RALGPS2: variants seen among roughly 807,000 people sequenced by gnomAD.
RALGPS2 encodes Ral GEF with PH domain and SH3 binding motif 2.
A neutral mutation model predicts 86.8 loss-of-function variants in RALGPS2; 43 were observed. The observed-to-expected ratio is 0.50, with a 90% confidence interval of 0.39 to 0.64. RALGPS2 has a LOEUF of 0.64. RALGPS2 is among the 30% of genes least tolerant of loss of function. The pLI is 0.00. For missense variants in RALGPS2, 536 were observed against 694.6 expected (o/e 0.77, Z 2.57); for synonymous variants, 243 against 231.3 (o/e 1.05, Z -0.46).
At chr1:178,882,447 A>T (rs1165005215) in intron 10 of RALGPS2, among the ~76,000 whole-genome samples, 3 of 152,200 alleles carry the variant, frequency 2.0e-5, no homozygotes, top group Non-Finnish European at 4.4e-5. Flanking sequence ...ACATCTTCAT[A>T]AAAAGAAAAA....
chr1:178,865,442 A>G, intron 8 of RALGPS2: 3 of 1,613,998 alleles, frequency 1.9e-6, no homozygotes, highest in Non-Finnish European at 2.5e-6. Flanking sequence ...CTCATTCACA[A>G]TGTTTCCATC....
intron 15 of RALGPS2, among the ~76,000 whole-genome samples, chr1:178,893,449 T>G (rs1455290648): frequency 6.8e-6 from 1 of 146,672 alleles, no homozygotes; most frequent in Non-Finnish European, 1.5e-5. Context: ...ATTAAGCATG[T>G]TTTCTTTTTT....
chr1:178,906,709 T>C, intron 18 of RALGPS2, 67 bp from the exon 19 acceptor site: 1 of 1,282,396 alleles, frequency 7.8e-7, no homozygotes, highest in Non-Finnish European at 1.1e-6. Context: ...CTCATTATTA[T>C]CTGGCAGAAT....
At chr1:178,735,300 G>A (rs541412475) in intron 1 of RALGPS2, among the ~76,000 whole-genome samples, 4 of 152,226 alleles carry the variant, frequency 2.6e-5, no homozygotes, top group African/African-American at 9.6e-5. Context: ...AAAGTTTAGG[G>A]CAAGGTCAAA....
At chr1:178,902,357 G>A in intron 18 of RALGPS2, 146 bp downstream of exon 18, 2 of 557,924 alleles carry the variant, frequency 3.6e-6, no homozygotes, top group Non-Finnish European at 6.3e-6. Context: ...AGTTTCACTG[G>A]AATACTCAAG....
intron 2 of RALGPS2, among the ~76,000 whole-genome samples, chr1:178,782,656 A>AT (rs1450492769): frequency 6.6e-6 from 1 of 151,876 alleles, no homozygotes; most frequent in African/African-American, 2.4e-5. Flanking sequence ...AACCCCTCAA[A>AT]TACACACACA....
At chr1:178,855,788 T>A (rs959424400) in intron 8 of RALGPS2, among the ~76,000 whole-genome samples, 1 of 151,838 alleles carries the variant, frequency 6.6e-6, no homozygotes, top group South Asian at 2.1e-4. Context: ...GATTTTGGAT[T>A]TTTTCAAAGG....
chr1:178,886,064 A>G lies in RALGPS2; in HGVS notation c.1136A>G (p.His379Arg), dbSNP rs777287192. ...TTAGATGATAGCGTCATGGAGCCCCATGCGCCATCTCGAGGCCAAGCTGAA... is the reference window on the plus strand; with the variant it reads ...TTAGATGATAGCGTCATGGAGCCCCGTGCGCCATCTCGAGGCCAAGCTGAA... The part of the protein sequence containing the change: ...HLLDDSVMEP[H>R]APSRGQAESS... Residue 379 changes from histidine (H) to arginine (R), a missense_variant, in exon 13 of 20, where the codon CAT (histidine) becomes CGT (arginine). Physicochemically the swap from His to Arg is conservative, Grantham distance 29. This residue lies in a region of RALGPS2 where 309 missense variants were observed against 363.0 expected (regional missense o/e 0.85). Coordinates refer to ENST00000367635, the MANE Select transcript of RALGPS2 (RefSeq NM_152663.5). 17 of 1,613,774 alleles carry G rather than the reference A, an allele frequency of 1.1e-5. No individual in the cohort carries two copies. Among genetic ancestry groups the G allele is most frequent in the Non-Finnish European group, 1.4e-5 (17 of 1,179,840 alleles).
chr1:178,812,730 G>A lies in RALGPS2; in HGVS notation c.387+1326G>A, dbSNP rs150957047. Among the ~76,000 whole-genome samples the A allele has an allele frequency of 4.0e-3, 615 of 152,194 alleles. 3 individuals are homozygous for A. Among genetic ancestry groups the A allele is most frequent in the Middle Eastern group, 0.014 (4 of 294 alleles). On this transcript the variant is annotated intron_variant, in intron 6 of 19. Transcript: ENST00000367635. ...TTTCCTCACATGTGAATGAAAGAAG[G>A]CAGAATAAAATGAGGATATCATGTT...
chr1:178,917,153 A>G lies in RALGPS2; in HGVS notation c.*794A>G, dbSNP rs1412012455. 6.6e-6 allele frequency: 1 copy of G among 152,126 alleles called. No homozygotes were observed. The highest frequency in any genetic ancestry group is 1.9e-4 in the East Asian group (1 of 5,194). The allele number at this position is 152,126 out of a possible 1,614,324, so 9.4% of individuals were successfully genotyped here. On this transcript the variant is annotated 3_prime_UTR_variant, in exon 20 of 20. Transcript: ENST00000367635. ...AACATGGTTGTTTCTAACTAGGGTT[A>G]AAGTTTAGCTTTCTATATGAATTCA...
At chr1:178,877,239 A>C (rs772357458) in intron 8 of RALGPS2, among the ~76,000 whole-genome samples, 1 of 152,114 alleles carries the variant, frequency 6.6e-6, no homozygotes, top group Non-Finnish European at 1.5e-5. Flanking sequence ...CTCAAACTAT[A>C]CTTGAAAATG....
In RALGPS2 at chr1:178,920,104, G is replaced by A. The variant is rs1426170239; in HGVS notation, c.*3745G>A. ...GTAAATATATGATTTTACAGCCAAA[G>A]TGGTATTCTGTTTTTTCTAAGCTTT... is the stretch of plus-strand genomic sequence containing the variant. On this transcript the variant is annotated 3_prime_UTR_variant, in exon 20 of 20. Coordinates refer to ENST00000367635, the MANE Select transcript of RALGPS2 (RefSeq NM_152663.5). The A allele has an allele frequency of 6.6e-6, 1 of 151,922 alleles. No homozygotes were observed. Among genetic ancestry groups the A allele is most frequent in the Non-Finnish European group, 1.5e-5 (1 of 67,868 alleles). The allele number at this position is 151,922 out of a possible 1,614,324, so 9.4% of individuals were successfully genotyped here. A position where few individuals can be genotyped will look rare whatever the true frequency, so the allele number is the denominator to read the frequency against.
In RALGPS2 at chr1:178,833,456, A is replaced by G; in HGVS notation, c.513A>G (p.Glu171=). 6.6e-7 allele frequency: 1 copy of G among 1,519,314 alleles called. No homozygotes were observed. 94.1% of individuals were successfully genotyped at this position (1,519,314 alleles called of 1,614,324 possible). A position where few individuals can be genotyped will look rare whatever the true frequency, so the allele number is the denominator to read the frequency against. ...LLSRKDKTTF[E]KLEYVMSKED... ...GTCGAAAAGACAAAACTACCTTTGA[A>G]AAATTAGAATATGTAATGAGTAAAG... Residue 171 remains glutamate, a synonymous_variant, in exon 8 of 20, where the codon GAA becomes GAG. Coordinates refer to ENST00000367635, the MANE Select transcript of RALGPS2 (RefSeq NM_152663.5).
At chr1:178,914,352 C>T (rs943140029) in intron 19 of RALGPS2, among the ~76,000 whole-genome samples, 4 of 152,154 alleles carry the variant, frequency 2.6e-5, no homozygotes, top group African/African-American at 9.7e-5. Flanking sequence ...GGATCTCCTG[C>T]CACTAGGATC....
intron 1 of RALGPS2, chr1:178,747,075 G>A: frequency 3.5e-6 from 3 of 865,314 alleles, no homozygotes; most frequent in South Asian, 1.4e-5. Flanking sequence ...TCTGAGATAA[G>A]ACCCATTTGG....
At position 178,784,505 on chromosome 1, in the gene RALGPS2, A is replaced by G; in HGVS notation, c.145A>G (p.Thr49Ala). Residue 49 changes from threonine to alanine, a missense_variant, in exon 3 of 20, where the codon ACA (threonine) becomes GCA (alanine). Thr to Ala is a moderately conservative substitution (Grantham distance 58). This residue lies in a region of RALGPS2 where 184 missense variants were observed against 296.7 expected (regional missense o/e 0.62). Coordinates refer to ENST00000367635, the MANE Select transcript of RALGPS2 (RefSeq NM_152663.5). ...TGTGGTATTCGATGTTCTTAAGGTT[A>G]CACCAGAAGAATATGCGGTAAGCCT... ...DAVVFDVLKV[T>A]PEEYAGQITL... is the part of the protein sequence containing the mutation. The G allele has an allele frequency of 6.3e-7, 1 of 1,594,834 alleles. No homozygotes were observed. Among genetic ancestry groups the G allele is most frequent in the East Asian group, 2.2e-5 (1 of 44,664 alleles).
At chr1:178,812,513 T>C (rs58123637) in intron 6 of RALGPS2, among the ~76,000 whole-genome samples, 4,996 of 152,268 alleles carry the variant, frequency 0.033, 147 homozygotes, top group East Asian at 0.092. Context: ...TTTACAGATG[T>C]GAATCTCCTC....
rs1310984252 is a variant in RALGPS2 at position 178,916,963 on chromosome 1, T to C, written c.*604T>C. On this transcript the variant is annotated 3_prime_UTR_variant, in exon 20 of 20. Transcript: ENST00000367635. ...TAGTCATGTGAGTTCTTGGGTTTGT[T>C]TGGGATTGGGTGGGGGTGTTTGTTT... 2 of 152,118 alleles carry C rather than the reference T, an allele frequency of 1.3e-5. No homozygotes were observed. Among genetic ancestry groups the C allele is most frequent in the African/African-American group, 4.8e-5 (2 of 41,412 alleles). 9.4% of individuals were successfully genotyped at this position (152,118 alleles called of 1,614,324 possible).
intron 8 of RALGPS2, among the ~76,000 whole-genome samples, chr1:178,877,012 A>AGGCAGTGGG (rs1558166486): frequency 6.6e-6 from 1 of 152,182 alleles, no homozygotes. Flanking sequence ...CAAATATTAA[A>AGGCAGTGGG]TAATTTCCCT....
Sources: gnomAD v4.1 joint callset for allele counts (sites outside exome capture counted in the v4.1 genomes callset) on GRCh38, gnomAD v4.1.1 for gene constraint, gnomAD v4.1.1 regional missense constraint, MANE v1.5 for transcripts, NCBI Gene and HGNC (gene_info 2026-07-23, HGNC 2026-07-21) for gene names.